The following FGGY variants were observed in gnomAD, a reference collection of about 807,000 sequenced individuals.
FGGY encodes FGGY carbohydrate kinase domain-containing protein.
A neutral mutation model predicts 71.3 loss-of-function variants in FGGY; 72 were observed. The observed-to-expected ratio is 1.01, with a 90% CI of 0.84 to 1.23. The LOEUF (loss-of-function observed/expected upper bound fraction) is 1.23, where lower values mean the gene tolerates loss of function less well. FGGY is among the 50% of genes most tolerant of loss of function. The pLI is 0.00. For synonymous variants in FGGY, 251 were observed against 250.3 expected, an observed-to-expected ratio of 1.00 and a Z score of -0.02; for missense variants, 668 against 682.3, an observed-to-expected ratio of 0.98 and a Z score of 0.23.
At chr1:59,374,017 C>G (rs896713308) in intron 4 of FGGY, among the ~76,000 whole-genome samples, 6 of 152,230 alleles carry the variant, frequency 3.9e-5, no homozygotes, top group Non-Finnish European at 8.8e-5. Context: ...TCTAAAACAC[C>G]AAAAGCAATG....
chr1:59,650,497 G>A (rs1426746113), intron 11 of FGGY, among the ~76,000 whole-genome samples: 1 of 102,398 alleles, frequency 9.8e-6, no homozygotes, highest in Non-Finnish European at 1.8e-5. Context: ...ATGTGTCCAG[G>A]AATTTATCCA....
intron 5 of FGGY, among the ~76,000 whole-genome samples, chr1:59,422,382 A>C (rs774612354): frequency 1.3e-5 from 2 of 152,050 alleles, no homozygotes; most frequent in African/African-American, 4.8e-5. Context: ...TGTTGGTGTT[A>C]TTGTTTTTAA....
intron 14 of FGGY, 140 bp from the exon 15 acceptor site, chr1:59,757,791 A>G: frequency 5.1e-6 from 3 of 593,884 alleles, no homozygotes; most frequent in Non-Finnish European, 6.0e-6. Context: ...ATTACCAAAG[A>G]AAAGTAAGTT....
Position 59,581,309 on chromosome 1 carries a change from T to G in FGGY, c.904-26494T>G, listed in dbSNP as rs974250937. ...GGGGAAATTTAATCAGGATCCCTAGTTGAGAACATTTCTATTGGAGAAAAT... is the reference window on the plus strand; with the variant it reads ...GGGGAAATTTAATCAGGATCCCTAGGTGAGAACATTTCTATTGGAGAAAAT... On this transcript the variant is annotated intron_variant, in intron 8 of 15. Coordinates refer to ENST00000303721, the MANE Select transcript of FGGY (RefSeq NM_018291.5). 6.7e-5 allele frequency among the ~76,000 whole-genome samples: 10 copies of G among 150,140 alleles called. 1 individual carries two copies. Among genetic ancestry groups the G allele is most frequent in the Non-Finnish European group, 8.8e-5 (6 of 67,950 alleles).
At chr1:59,301,838 C>T (rs1370832221) in intron 1 of FGGY, among the ~76,000 whole-genome samples, 21 of 150,264 alleles carry the variant, frequency 1.4e-4, no homozygotes, top group East Asian at 3.9e-4. Flanking sequence ...CTCAGCTTCC[C>T]GAGCAGCTGG....
chr1:59,490,572 T>A (rs1459402119), intron 6 of FGGY, among the ~76,000 whole-genome samples: 15 of 152,188 alleles, frequency 9.9e-5, no homozygotes, highest in Non-Finnish European at 1.5e-5. Context: ...GCTTTTTAGA[T>A]CTTATTCATA....
intron 7 of FGGY, among the ~76,000 whole-genome samples, chr1:59,546,486 A>T (rs17119589): frequency 0.013 from 1,887 of 149,204 alleles, 48 homozygotes; most frequent in African/African-American, 0.045. Context: ...GTTGACTTAA[A>T]GCATAGGATG....
At chr1:59,650,206 A>C (rs2097143288) in intron 11 of FGGY, among the ~76,000 whole-genome samples, 1 of 147,304 alleles carries the variant, frequency 6.8e-6, no homozygotes, top group African/African-American at 2.7e-5. Flanking sequence ...TTGGTCTAAA[A>C]TTCTCTTTTT....
At chr1:59,655,505 C>G (rs1478770099) in intron 11 of FGGY, among the ~76,000 whole-genome samples, 1 of 151,804 alleles carries the variant, frequency 6.6e-6, no homozygotes, top group Non-Finnish European at 1.5e-5. Context: ...TCAACTCCCA[C>G]TTATGAGTGA....
intron 4 of FGGY, among the ~76,000 whole-genome samples, chr1:59,375,045 C>A (rs949969966): frequency 3.1e-4 from 46 of 150,754 alleles, no homozygotes; most frequent in African/African-American, 1.0e-3. Context: ...TGCACATGTA[C>A]CCTAAAACTT....
At chr1:59,490,400 G>T (rs979357620) in intron 6 of FGGY, among the ~76,000 whole-genome samples, 11 of 152,044 alleles carry the variant, frequency 7.2e-5, no homozygotes, top group African/African-American at 2.7e-4. Flanking sequence ...TGAATTCTCT[G>T]TGTATTCTGG....
chr1:59,589,673 G>C (rs896142298), intron 8 of FGGY, among the ~76,000 whole-genome samples: 18 of 151,972 alleles, frequency 1.2e-4, no homozygotes, highest in African/African-American at 4.1e-4. Flanking sequence ...TGAACAACCT[G>C]CTCCTGAATG....
chr1:59,595,860 T>G (rs1349836709), intron 8 of FGGY, among the ~76,000 whole-genome samples: 5 of 152,166 alleles, frequency 3.3e-5, no homozygotes, highest in Non-Finnish European at 7.3e-5. Context: ...ATACCCTAGA[T>G]AGCCTATTCC....
At chr1:59,659,062 TGTG>T (rs1277270375) in intron 11 of FGGY, among the ~76,000 whole-genome samples, 1 of 152,010 alleles carries the variant, frequency 6.6e-6, no homozygotes, top group African/African-American at 2.4e-5. Flanking sequence ...ATTAGCCAGA[TGTG>T]GTGGTATACA....
intron 2 of FGGY, among the ~76,000 whole-genome samples, chr1:59,329,368 G>C (rs1301671684): frequency 6.6e-6 from 1 of 152,218 alleles, no homozygotes; most frequent in African/African-American, 2.4e-5. Flanking sequence ...CTAATGAAGT[G>C]AGCACATGCT....
intron 14 of FGGY, among the ~76,000 whole-genome samples, chr1:59,738,364 C>T (rs903666489): frequency 6.6e-6 from 1 of 152,208 alleles, no homozygotes; most frequent in Non-Finnish European, 1.5e-5. Flanking sequence ...TGCCTAAAGT[C>T]ATTAAGTAAA....
chr1:59,558,835 C>T (rs1473342782), intron 8 of FGGY, among the ~76,000 whole-genome samples: 1 of 151,916 alleles, frequency 6.6e-6, no homozygotes, highest in Non-Finnish European at 1.5e-5. Flanking sequence ...TTATAGACCT[C>T]CCCCCAGGAA....
chr1:59,743,049 C>T (rs1456757571), intron 14 of FGGY, among the ~76,000 whole-genome samples: 1 of 152,144 alleles, frequency 6.6e-6, no homozygotes, highest in Non-Finnish European at 1.5e-5. Flanking sequence ...AACTCAAAAC[C>T]TTTTAACATG....
chr1:59,619,551 G>A (rs865957837), intron 9 of FGGY, among the ~76,000 whole-genome samples: 1 of 152,120 alleles, frequency 6.6e-6, no homozygotes, highest in East Asian at 1.9e-4. Flanking sequence ...AACAACCAGT[G>A]TAAAGATTCT....
Sources: gnomAD v4.1 joint callset for allele counts (sites outside exome capture counted in the v4.1 genomes callset) on GRCh38, gnomAD v4.1.1 for gene constraint, MANE v1.5 for transcripts, NCBI Gene and HGNC (gene_info 2026-07-23, HGNC 2026-07-21) for gene names.